OR1L8: variants seen among roughly 807,000 people sequenced by gnomAD.
The protein encoded by OR1L8 is olfactory receptor family 1 subfamily L member 8.
For missense variants in OR1L8, 330 were observed against 377.4 expected, an observed-to-expected ratio of 0.87 and a Z score of 1.04; for synonymous variants, 148 against 147.0, an observed-to-expected ratio of 1.01 and a Z score of -0.05.
At chr9:122,546,597 T>G in the OR1L8 span, among the ~76,000 whole-genome samples, 3 of 152,110 alleles carry the variant, frequency 2.0e-5, no homozygotes, top group Non-Finnish European at 4.4e-5. Flanking sequence ...GGCTATTTGT[T>G]AAAAAAATTA....
the OR1L8 span, among the ~76,000 whole-genome samples, chr9:122,548,950 T>C: frequency 6.6e-6 from 1 of 152,130 alleles, no homozygotes; most frequent in Admixed American, 6.6e-5. Context: ...TTTCTTTTGC[T>C]GTGCAGAAGC....
At chr9:122,551,856 T>C in the OR1L8 span, among the ~76,000 whole-genome samples, 1 of 152,090 alleles carries the variant, frequency 6.6e-6, no homozygotes, top group Non-Finnish European at 1.5e-5. Context: ...AGCCATACAC[T>C]TCAGGTATTT....
chr9:122,555,544 A>C, the OR1L8 span, among the ~76,000 whole-genome samples: 2 of 152,124 alleles, frequency 1.3e-5, no homozygotes, highest in Admixed American at 6.6e-5. Flanking sequence ...CTGACCTCTA[A>C]GATCCCCACC....
chr9:122,572,223 C>T (rs1428183510), intron 4 of OR1L8, among the ~76,000 whole-genome samples: 8 of 152,200 alleles, frequency 5.3e-5, no homozygotes, highest in Non-Finnish European at 1.0e-4. Flanking sequence ...CCACCTTCAA[C>T]ACTGGAGATT....
the OR1L8 span, among the ~76,000 whole-genome samples, chr9:122,548,113 C>T: frequency 2.3e-4 from 35 of 152,016 alleles, no homozygotes; most frequent in African/African-American, 8.0e-4. Context: ...CAGAAGTATA[C>T]AAATTTATTT....
At chr9:122,575,396 T>A (rs1350294226) in intron 3 of OR1L8, among the ~76,000 whole-genome samples, 2 of 152,160 alleles carry the variant, frequency 1.3e-5, no homozygotes, top group African/African-American at 4.8e-5. Flanking sequence ...TTTCATCATT[T>A]CTTTTTGTGT....
At chr9:122,581,329 G>T (rs1457787713) in intron 1 of OR1L8, among the ~76,000 whole-genome samples, 2 of 151,994 alleles carry the variant, frequency 1.3e-5, no homozygotes, top group African/African-American at 4.8e-5. Context: ...TGGCGCCACT[G>T]CACTCCAGCC....
downstream of OR1L8, among the ~76,000 whole-genome samples, chr9:122,566,954 A>G (rs2118707842): frequency 6.6e-6 from 1 of 152,268 alleles, no homozygotes; most frequent in South Asian, 2.1e-4. Flanking sequence ...ATAAAATATA[A>G]GAGGAAATTA....
the OR1L8 span, among the ~76,000 whole-genome samples, chr9:122,560,096 C>CT: frequency 2.0e-5 from 3 of 152,174 alleles, no homozygotes; most frequent in Non-Finnish European, 4.4e-5. Context: ...CCTTGTTTGT[C>CT]TTTTTTTATT....
chr9:122,567,246 A>G lies in OR1L8; in HGVS notation c.*302T>C, dbSNP rs1017682634. 1 of 241,772 alleles carries G rather than the reference A, an allele frequency of 4.1e-6. No individual in the cohort carries two copies. Among genetic ancestry groups the G allele is most frequent in the African/African-American group, 2.2e-5 (1 of 44,682 alleles). 15.0% of individuals were successfully genotyped at this position (241,772 alleles called of 1,614,324 possible). ...AGGATCTGCCTTAATAAAAGGAGAG[A>G]AATTTGTTTAGGAAATATTCATGGG... On this transcript the variant is annotated 3_prime_UTR_variant, in exon 5 of 5. Transcript: ENST00000641027.
At chr9:122,553,299 C>A in the OR1L8 span, 1 of 1,614,066 alleles carries the variant, frequency 6.2e-7, no homozygotes. Context: ...GCAGCCTCTT[C>A]TGTTTGGCAT....
the OR1L8 span, among the ~76,000 whole-genome samples, chr9:122,551,299 A>G: frequency 1.3e-5 from 2 of 152,208 alleles, no homozygotes; most frequent in East Asian, 3.8e-4. Context: ...CACTCTCTCC[A>G]CTTAATAGAA....
the OR1L8 span, among the ~76,000 whole-genome samples, chr9:122,548,889 T>G: frequency 2.4e-4 from 37 of 151,916 alleles, no homozygotes; most frequent in African/African-American, 8.7e-4. Context: ...GATGCATAGT[T>G]GGCAAATATT....
intron 3 of OR1L8, 114 bp downstream of exon 3, chr9:122,576,652 C>T (rs1358544226): frequency 6.6e-6 from 1 of 152,190 alleles, no homozygotes; most frequent in East Asian, 1.9e-4. Flanking sequence ...GGAGGTAAAA[C>T]TCACAACAGT....
the OR1L8 span, among the ~76,000 whole-genome samples, chr9:122,550,844 C>T: frequency 0.22 from 33,892 of 151,024 alleles, 3,991 homozygotes; most frequent in Middle Eastern, 0.3. Context: ...TAGAGAAAGA[C>T]GAAGATGACC....
chr9:122,561,249 C>G, the OR1L8 span, among the ~76,000 whole-genome samples: 27 of 152,134 alleles, frequency 1.8e-4, no homozygotes, highest in Non-Finnish European at 2.9e-4. Flanking sequence ...AAGCCTTTAT[C>G]AAGGTCCTTA....
rs1829460137 is a variant in OR1L8 at position 122,567,818 on chromosome 9, T to C, written c.660A>G (p.Ile220Met). 1.2e-6 allele frequency: 2 copies of C among 1,613,946 alleles called. No individual in the cohort carries two copies. Among genetic ancestry groups the C allele is most frequent in the East Asian group, 2.2e-5 (1 of 44,880 alleles). The change falls in exon 5 of 5, where the codon ATA becomes ATG. Residue 220 changes from isoleucine (I) to methionine (M), a missense_variant. Coordinates refer to ENST00000641027, the MANE Select transcript of OR1L8 (RefSeq NM_001004454.2). ...TRFLCIAFSY[I>M]RILTTVLKIP... ...TCTTGAGAACTGTAGTGAGGATTCGTATATAAGAGAAAGCAATGCAGAGAA... is the reference window on the plus strand; with the variant it reads ...TCTTGAGAACTGTAGTGAGGATTCGCATATAAGAGAAAGCAATGCAGAGAA...
chr9:122,564,974 T>G (rs1468299052), downstream of OR1L8, among the ~76,000 whole-genome samples: 1 of 152,192 alleles, frequency 6.6e-6, no homozygotes, highest in Non-Finnish European at 1.5e-5. Flanking sequence ...GAGTCTGAAC[T>G]CATTGGTAGG....
chr9:122,559,180 G>A, the OR1L8 span, among the ~76,000 whole-genome samples: 1 of 151,990 alleles, frequency 6.6e-6, no homozygotes, highest in Non-Finnish European at 1.5e-5. Flanking sequence ...TAGATCTGTT[G>A]ACTAACCTAT....
Sources: allele counts gnomAD v4.1 joint callset (sites outside exome capture counted in the v4.1 genomes callset), GRCh38; gene constraint gnomAD v4.1.1; transcripts MANE v1.5; gene names NCBI Gene and HGNC (gene_info 2026-07-23, HGNC 2026-07-21).